Variants in GEMIN6 observed in about 807,000 individuals in gnomAD.
The protein encoded by GEMIN6 is gem nuclear organelle associated protein 6.
In GEMIN6, 13 loss-of-function variants were observed where a neutral mutation model predicts 14.1. The ratio of observed to expected loss-of-function variants is 0.92; its 90% CI spans 0.60 to 1.46. The LOEUF (loss-of-function observed/expected upper bound fraction) is 1.46, where lower values mean the gene tolerates loss of function less well. Ranked by LOEUF, GEMIN6 falls within the 40% of genes most tolerant of loss-of-function variation. GEMIN6 has a pLI of 0.00. For missense variants in GEMIN6, 271 were observed against 202.4 expected (o/e 1.34, Z -2.06); for synonymous variants, 87 against 70.0 (o/e 1.24, Z -1.21).
chr2:38,780,180 C>T (rs1234909071), intron 2 of GEMIN6, among the ~76,000 whole-genome samples: 3 of 151,018 alleles, frequency 2.0e-5, no homozygotes, highest in Admixed American at 6.6e-5. Context: ...ATTAGCCGGG[C>T]GTGGTAGCAG....
chr2:38,780,637 T>C (rs557209697), intron 2 of GEMIN6, among the ~76,000 whole-genome samples: 1 of 142,254 alleles, frequency 7.0e-6, no homozygotes, highest in Non-Finnish European at 1.6e-5. Flanking sequence ...TCACCTGACC[T>C]TTTTTTTTTG....
rs879579544 is a variant in GEMIN6, at chr2:38,782,796, CAA to C, written c.*920_*921del. The C allele has an allele frequency of 3.6e-4, 33 of 91,084 alleles. No homozygotes were observed. Among genetic ancestry groups the C allele is most frequent in the African/African-American group, 7.9e-4 (19 of 24,112 alleles). The allele number at this position is 91,084 out of a possible 1,614,324, so 5.6% of individuals were successfully genotyped here. A position where few individuals can be genotyped will look rare whatever the true frequency, so the allele number is the denominator to read the frequency against. ...TGGGTGACAGAGCGAGACTCCGTCT[CAA>C]AAAAAAAAAAAAAAATTATTGGAAC... On this transcript the variant is annotated 3_prime_UTR_variant, in exon 3 of 3. Transcript: ENST00000281950.
Position 38,779,662 on chromosome 2 carries a change from ATATTTTTTTTTTTT to A in GEMIN6, c.128+546_128+559del, listed in dbSNP as rs1450396043. ...TATATATATATATATATATATATATATATTTTTTTTTTTTTTTTTTTTTTTTTTTCGGGGGTGGG... is the reference window on the plus strand; with the variant it reads ...TATATATATATATATATATATATATATTTTTTTTTTTTTTTCGGGGGTGGG... On this transcript the variant is annotated intron_variant, in intron 2 of 2. Coordinates refer to ENST00000281950, the MANE Select transcript of GEMIN6 (RefSeq NM_024775.10). Among the ~76,000 whole-genome samples, 158 of 26,732 alleles carry A rather than the reference ATATTTTTTTTTTTT, an allele frequency of 5.9e-3. 1 individual carries two copies. The highest frequency in any genetic ancestry group is 0.02 in the African/African-American group (155 of 7,672). 17.5% of individuals were successfully genotyped at this position (26,732 alleles called of 152,430 possible).
intron 2 of GEMIN6, among the ~76,000 whole-genome samples, chr2:38,780,465 A>G (rs528537168): frequency 6.6e-6 from 1 of 151,848 alleles, no homozygotes; most frequent in African/African-American, 2.4e-5. Flanking sequence ...TCCCAGTTCA[A>G]GTGATTCTCC....
Position 38,782,101 on chromosome 2 carries a change from A to C in GEMIN6, c.*209A>C. On this transcript the variant is annotated 3_prime_UTR_variant, in exon 3 of 3. Coordinates refer to ENST00000281950, the MANE Select transcript of GEMIN6 (RefSeq NM_024775.10). ...GGGCAAGTATAGCATCCCATGCATA[A>C]AATTAGCACAGGGACATCAGAATTG... 1 of 497,306 alleles carries C rather than the reference A, an allele frequency of 2.0e-6. No individual in the cohort carries two copies. Among genetic ancestry groups the C allele is most frequent in the South Asian group, 3.9e-5 (1 of 25,682 alleles). 30.8% of individuals were successfully genotyped at this position (497,306 alleles called of 1,614,324 possible).
At position 38,784,016 on chromosome 2, in the gene GEMIN6, G is replaced by A. The variant is rs572467723; in HGVS notation, c.*2124G>A. On this transcript the variant is annotated 3_prime_UTR_variant, in exon 3 of 3. Transcript: ENST00000281950. ...CCAGATAATGATGTTACCGTTCCCA[G>A]ACCACACTTGCAGAAGCAGTTCAGA... is the stretch of plus-strand genomic sequence containing the variant. 157 of 152,258 alleles carry A rather than the reference G, an allele frequency of 1.0e-3. No homozygotes were observed. Among genetic ancestry groups the A allele is most frequent in the African/African-American group, 3.6e-3 (149 of 41,566 alleles). 9.4% of individuals were successfully genotyped at this position (152,258 alleles called of 1,614,324 possible). A position where few individuals can be genotyped will look rare whatever the true frequency, so the allele number is the denominator to read the frequency against.
rs1176679893 is a variant in GEMIN6 at position 38,784,502 on chromosome 2, G to C, written c.*2610G>C. ...GTGAGCCGAGATTGTACGCATTCCAGCTTGGGCAGCAGAACGAGACTCTGT... is the reference window on the plus strand; with the variant it reads ...GTGAGCCGAGATTGTACGCATTCCACCTTGGGCAGCAGAACGAGACTCTGT... On this transcript the variant is annotated 3_prime_UTR_variant, in exon 3 of 3. Transcript: ENST00000281950. 1 of 149,070 alleles carries C rather than the reference G, an allele frequency of 6.7e-6. No homozygotes were observed. The highest frequency in any genetic ancestry group is 1.5e-5 in the Non-Finnish European group (1 of 67,698). 9.2% of individuals were successfully genotyped at this position (149,070 alleles called of 1,614,324 possible). A position where few individuals can be genotyped will look rare whatever the true frequency, so the allele number is the denominator to read the frequency against.
rs1000538065 is a variant in GEMIN6, at chr2:38,784,789, G to A, written c.*2897G>A. On this transcript the variant is annotated 3_prime_UTR_variant, in exon 3 of 3. Coordinates refer to ENST00000281950, the MANE Select transcript of GEMIN6 (RefSeq NM_024775.10). ...CCTTCATGCTTAGGGAGTTTCCCTA[G>A]CTAATTCCTCAGCTAAGATTCTCCC... 4.6e-5 allele frequency: 7 copies of A among 152,118 alleles called. No homozygotes were observed. The highest frequency in any genetic ancestry group is 7.3e-5 in the Non-Finnish European group (5 of 68,034). 9.4% of individuals were successfully genotyped at this position (152,118 alleles called of 1,614,324 possible).
At chr2:38,778,723 G>A (rs2148512726) in intron 1 of GEMIN6, among the ~76,000 whole-genome samples, 1 of 152,232 alleles carries the variant, frequency 6.6e-6, no homozygotes, top group South Asian at 2.1e-4. Context: ...GCTTTAGGCC[G>A]AATTGTACAT....
chr2:38,781,785 C>T lies in GEMIN6; in HGVS notation c.397C>T (p.Leu133=). The T allele has an allele frequency of 6.2e-7, 1 of 1,614,174 alleles. No individual in the cohort carries two copies. The highest frequency in any genetic ancestry group is 8.5e-7 in the Non-Finnish European group (1 of 1,180,044). The change falls in exon 3 of 3, where the codon CTG becomes TTG. Residue 133 remains leucine (L), a synonymous_variant. Coordinates refer to ENST00000281950, the MANE Select transcript of GEMIN6 (RefSeq NM_024775.10). ...APRTLCVAGV[L]TIDPPYGPEN... ...AAGGACTCTCTGTGTGGCTGGGGTC[C>T]TGACTATAGACCCACCATATGGTCC...
rs1178765553 is a variant in GEMIN6, at chr2:38,784,842, G to T, written c.*2950G>T. ...GGAGTTTCACTCACCTGTTTCCAGT[G>T]CCTCCTTTGGGCTGTCAGCATCTGT... is the stretch of plus-strand genomic sequence containing the variant. On this transcript the variant is annotated 3_prime_UTR_variant, in exon 3 of 3. Coordinates refer to ENST00000281950, the MANE Select transcript of GEMIN6 (RefSeq NM_024775.10). The T allele has an allele frequency of 2.0e-5, 3 of 152,198 alleles. No individual in the cohort carries two copies. The highest frequency in any genetic ancestry group is 7.2e-5 in the African/African-American group (3 of 41,458). 9.4% of individuals were successfully genotyped at this position (152,198 alleles called of 1,614,324 possible).
intron 2 of GEMIN6, among the ~76,000 whole-genome samples, chr2:38,780,264 G>A (rs1417662992): frequency 6.6e-6 from 1 of 150,722 alleles, no homozygotes; most frequent in Admixed American, 6.6e-5. Context: ...AGCTTGCCGT[G>A]AGCTGAGATC....
Position 38,781,987 on chromosome 2 carries a change from ATG to A in GEMIN6, c.*107_*108del, listed in dbSNP as rs913852770. On this transcript the variant is annotated 3_prime_UTR_variant, in exon 3 of 3. Transcript: ENST00000281950. ...TAAATGTACATGACTGTGTGTGTGT[ATG>A]TGTGTGTGTGTATAATTCTTTGTTG... The A allele has an allele frequency of 6.2e-4, 728 of 1,170,898 alleles. No individual in the cohort carries two copies. The highest frequency in any genetic ancestry group is 7.5e-4 in the Non-Finnish European group (619 of 829,816). 72.5% of individuals were successfully genotyped at this position (1,170,898 alleles called of 1,614,324 possible).
At chr2:38,779,657 TA>T (rs1343726856) in intron 2 of GEMIN6, among the ~76,000 whole-genome samples, 765 of 35,250 alleles carry the variant, frequency 0.022, 16 homozygotes, top group Non-Finnish European at 0.042. Flanking sequence ...TATATATATA[TA>T]TATATATTTT....
intron 2 of GEMIN6, among the ~76,000 whole-genome samples, chr2:38,779,615 T>C (rs77662029): frequency 1.5e-5 from 2 of 130,454 alleles, no homozygotes; most frequent in Non-Finnish European, 3.1e-5. Context: ...TCATAGAAAT[T>C]GGGCATAGAA....
Position 38,784,514 on chromosome 2 carries a change from G to A in GEMIN6, c.*2622G>A, listed in dbSNP as rs1195253240. 7.1e-6 allele frequency: 1 copy of A among 141,702 alleles called. No homozygotes were observed. Among genetic ancestry groups the A allele is most frequent in the Non-Finnish European group, 1.5e-5 (1 of 66,160 alleles). 8.8% of individuals were successfully genotyped at this position (141,702 alleles called of 1,614,324 possible). A position where few individuals can be genotyped will look rare whatever the true frequency, so the allele number is the denominator to read the frequency against. On this transcript the variant is annotated 3_prime_UTR_variant, in exon 3 of 3. Transcript: ENST00000281950. ...TGTACGCATTCCAGCTTGGGCAGCA[G>A]AACGAGACTCTGTCTCAAAAAAAAA... is the stretch of plus-strand genomic sequence containing the variant.
At position 38,783,971 on chromosome 2, in the gene GEMIN6, T is replaced by C. The variant is rs1669149887; in HGVS notation, c.*2079T>C. On this transcript the variant is annotated 3_prime_UTR_variant, in exon 3 of 3. Coordinates refer to ENST00000281950, the MANE Select transcript of GEMIN6 (RefSeq NM_024775.10). ...AGTAGTTCTAGTTGGGACCCAGGAA[T>C]TTGCATTTCCAACAGACTCCCAGAT... 2 of 152,110 alleles carry C rather than the reference T, an allele frequency of 1.3e-5. No individual in the cohort carries two copies. The highest frequency in any genetic ancestry group is 4.1e-4 in the South Asian group (2 of 4,826). The allele number at this position is 152,110 out of a possible 1,614,324, so 9.4% of individuals were successfully genotyped here.
At chr2:38,779,338 C>A (rs772389267) in intron 2 of GEMIN6, 1 of 480,838 alleles carries the variant, frequency 2.1e-6, no homozygotes, top group South Asian at 1.9e-5. Flanking sequence ...TCAAGCGATT[C>A]TCCTGCCTTA....
At chr2:38,780,230 G>C (rs961112564) in intron 2 of GEMIN6, among the ~76,000 whole-genome samples, 1 of 151,148 alleles carries the variant, frequency 6.6e-6, no homozygotes, top group Non-Finnish European at 1.5e-5. Flanking sequence ...TGGGGCAGGA[G>C]AATGGCGTGA....
Sources: allele counts gnomAD v4.1 joint callset (sites outside exome capture counted in the v4.1 genomes callset), GRCh38; gene constraint gnomAD v4.1.1; transcripts MANE v1.5; gene names NCBI Gene and HGNC (gene_info 2026-07-23, HGNC 2026-07-21).